Variants in CLCN3 observed in about 807,000 individuals in gnomAD.
The protein encoded by CLCN3 is H(+)/Cl(-) exchange transporter 3.
CLCN3 carries 16 observed loss-of-function variants against 83.4 expected under a neutral mutation model. The ratio of observed to expected loss-of-function variants is 0.19; its 90% CI spans 0.13 to 0.29. The LOEUF is 0.29. Among genes scored for constraint, CLCN3 ranks in the 10% least tolerant of loss-of-function variants. The pLI is 1.00. For synonymous variants in CLCN3, 322 were observed against 346.2 expected (o/e 0.93, Z 0.78); for missense variants, 544 against 1,006.0 (o/e 0.54, Z 6.21).
intron 1 of CLCN3, among the ~76,000 whole-genome samples, chr4:169,630,603 T>A (rs2150198762): frequency 6.6e-6 from 1 of 152,324 alleles, no homozygotes; most frequent in East Asian, 1.9e-4. Context: ...CGATCTTGGC[T>A]CACTGCAAAC....
At chr4:169,671,610 T>A (rs1487164217) in intron 2 of CLCN3, among the ~76,000 whole-genome samples, 7 of 151,366 alleles carry the variant, frequency 4.6e-5, no homozygotes, top group Non-Finnish European at 8.8e-5. Flanking sequence ...AACTTAAATT[T>A]AAAAAAAAAG....
intron 1 of CLCN3, among the ~76,000 whole-genome samples, chr4:169,634,728 A>G (rs1773462994): frequency 6.6e-6 from 1 of 152,132 alleles, no homozygotes; most frequent in Non-Finnish European, 1.5e-5. Context: ...AAAACTGAAT[A>G]CATTTCTCTT....
chr4:169,654,666 T>G (rs1730829616), intron 2 of CLCN3, among the ~76,000 whole-genome samples: 1 of 152,232 alleles, frequency 6.6e-6, no homozygotes, highest in Non-Finnish European at 1.5e-5. Flanking sequence ...GAGGAATTTC[T>G]GGCTGTTTTT....
intron 1 of CLCN3, among the ~76,000 whole-genome samples, chr4:169,628,977 A>G (rs1428971131): frequency 1.3e-5 from 2 of 152,232 alleles, no homozygotes; most frequent in Non-Finnish European, 2.9e-5. Flanking sequence ...GGAAGGAACT[A>G]TTGACACATG....
Position 169,652,536 on chromosome 4 carries a change from A to G in CLCN3, c.160+16448A>G, listed in dbSNP as rs143147153. ...TTACTACAGTTTACCTATTCATTTTACTTTTGATGGATCTTGAAGCTCCTA... is the reference window on the plus strand; with the variant it reads ...TTACTACAGTTTACCTATTCATTTTGCTTTTGATGGATCTTGAAGCTCCTA... On this transcript the variant is annotated intron_variant, in intron 2 of 12. Transcript: ENST00000513761. Among the ~76,000 whole-genome samples, 7 of 152,330 alleles carry G rather than the reference A, an allele frequency of 4.6e-5. No individual in the cohort carries two copies. The East Asian group carries it at 9.6e-4, about 21-fold the overall frequency.
intron 2 of CLCN3, chr4:169,660,021 C>G (rs1730998097): frequency 1.0e-6 from 1 of 990,924 alleles, no homozygotes; most frequent in South Asian, 4.7e-5. Context: ...ACCACTGATG[C>G]TACCGAAGCT....
rs1732615075 is a variant in CLCN3 at position 169,697,614 on chromosome 4, T to C, written c.1443T>C (p.Ser481=). 1.2e-6 allele frequency: 2 copies of C among 1,614,182 alleles called. No individual in the cohort carries two copies. The highest frequency in any genetic ancestry group is 1.6e-4 in the Middle Eastern group (1 of 6,062). Residue 481 remains serine, a synonymous_variant, in exon 9 of 13, where the codon AGT becomes AGC. Transcript: ENST00000513761. The stretch of plus-strand genomic sequence containing the variant: ...ACTACAGAAATGACATGAATGCCAG[T>C]AAAATTGTCGATGACATTCCTGATC... ...LCDYRNDMNA[S]KIVDDIPDRP... is the part of the protein sequence containing the mutation.
intron 12 of CLCN3, among the ~76,000 whole-genome samples, chr4:169,716,736 C>A (rs1162568805): frequency 6.6e-6 from 1 of 152,046 alleles, no homozygotes; most frequent in Non-Finnish European, 1.5e-5. Context: ...CCTGCTCCCC[C>A]ACCTCCCACC....
At position 169,620,822 on chromosome 4, in the gene CLCN3, G is replaced by A. The variant is rs1773093166; in HGVS notation, c.-258G>A. On this transcript the variant is annotated 5_prime_UTR_variant, in exon 1 of 13. Coordinates refer to ENST00000513761, the MANE Select transcript of CLCN3 (RefSeq NM_001829.4). ...GACTCTAGGGATCTCCAGAGCGAGA[G>A]GATTTAACTTCATGTTGCTCCCGTG... 2.0e-5 allele frequency: 8 copies of A among 398,600 alleles called. No homozygotes were observed. In the East Asian group the frequency reaches 2.8e-4, roughly 14 times the overall value. The allele number at this position is 398,600 out of a possible 1,614,324, so 24.7% of individuals were successfully genotyped here.
At position 169,690,538 on chromosome 4, in the gene CLCN3, T is replaced by C; in HGVS notation, c.615T>C (p.Gly205=). The C allele has an allele frequency of 6.2e-7, 1 of 1,610,448 alleles. No homozygotes were observed. The highest frequency in any genetic ancestry group is 8.5e-7 in the Non-Finnish European group (1 of 1,179,034). The change falls in exon 6 of 13, where the codon GGT becomes GGC. Residue 205 remains glycine (G), a synonymous_variant. Coordinates refer to ENST00000513761, the MANE Select transcript of CLCN3 (RefSeq NM_001829.4). The part of the protein sequence containing the change: ...ELIIGQAEGP[G]SYIMNYIMYI... ...AACTATTTTCTTTTTAGGGTCCTGG[T>C]TCTTATATCATGAACTACATAATGT...
At chr4:169,655,667 A>T (rs1355290348) in intron 2 of CLCN3, among the ~76,000 whole-genome samples, 1 of 151,994 alleles carries the variant, frequency 6.6e-6, no homozygotes, top group East Asian at 1.9e-4. Context: ...GCTCATTTTT[A>T]TAAATTTTTT....
At chr4:169,625,694 T>G (rs912283754) in intron 1 of CLCN3, among the ~76,000 whole-genome samples, 1 of 152,234 alleles carries the variant, frequency 6.6e-6, no homozygotes, top group Non-Finnish European at 1.5e-5. Flanking sequence ...GTTGGAACCT[T>G]AGTGGATATC....
chr4:169,679,742 C>A (rs1363402913), intron 2 of CLCN3, among the ~76,000 whole-genome samples: 1 of 152,150 alleles, frequency 6.6e-6, no homozygotes, highest in Non-Finnish European at 1.5e-5. Flanking sequence ...ATACAAAAAT[C>A]AGTCAGGCGT....
chr4:169,682,459 C>G (rs1208864775), intron 3 of CLCN3, among the ~76,000 whole-genome samples: 1 of 152,174 alleles, frequency 6.6e-6, no homozygotes, highest in Non-Finnish European at 1.5e-5. Context: ...ATTCCCAAGT[C>G]TGGAAAACCA....
chr4:169,657,272 T>A (rs968605970), intron 2 of CLCN3, among the ~76,000 whole-genome samples: 1 of 152,170 alleles, frequency 6.6e-6, no homozygotes, highest in Non-Finnish European at 1.5e-5. Context: ...CTTAAAAAAT[T>A]GTATTGCTGT....
intron 2 of CLCN3, among the ~76,000 whole-genome samples, chr4:169,651,465 T>C (rs1017270273): frequency 6.6e-6 from 1 of 152,158 alleles, no homozygotes; most frequent in Non-Finnish European, 1.5e-5. Flanking sequence ...TGTGAGAGTT[T>C]GGCTCCAGGA....
chr4:169,632,136 A>G (rs1773387850), intron 1 of CLCN3, among the ~76,000 whole-genome samples: 1 of 152,180 alleles, frequency 6.6e-6, no homozygotes, highest in Admixed American at 6.5e-5. Flanking sequence ...TCCCTGATGA[A>G]CATAGATGTA....
At chr4:169,675,536 C>G (rs1731642088) in intron 2 of CLCN3, among the ~76,000 whole-genome samples, 1 of 151,976 alleles carries the variant, frequency 6.6e-6, no homozygotes, top group Non-Finnish European at 1.5e-5. Context: ...TACAGAGTGC[C>G]ACTTCTTATA....
intron 2 of CLCN3, among the ~76,000 whole-genome samples, chr4:169,644,939 T>C (rs192972963): frequency 2.8e-4 from 43 of 152,214 alleles, no homozygotes; most frequent in African/African-American, 1.0e-3. Flanking sequence ...CTTTGGAAGC[T>C]AGAAAAGGCG....
Sources: gnomAD v4.1 joint callset for allele counts (sites outside exome capture counted in the v4.1 genomes callset) on GRCh38, gnomAD v4.1.1 for gene constraint, MANE v1.5 for transcripts, NCBI Gene and HGNC (gene_info 2026-07-23, HGNC 2026-07-21) for gene names.